Variants in USP24 observed in about 807,000 individuals in gnomAD.
USP24 encodes the protein ubiquitin specific peptidase 24.
Under a neutral mutation model 361.6 loss-of-function variants are expected in USP24, and 97 were observed. The observed-to-expected ratio is 0.27, with a 90% CI of 0.23 to 0.32. The LOEUF (loss-of-function observed/expected upper bound fraction) is 0.32. Ranked by LOEUF, USP24 falls within the 10% of genes least tolerant of loss-of-function variation. The probability of loss-of-function intolerance (pLI) is 1.00; values close to 1 mark genes in which losing one functional copy is unlikely to be tolerated. For synonymous variants in USP24, 1,098 were observed against 1,124.6 expected (o/e 0.98, Z 0.47); for missense variants, 2,353 against 3,165.6 (o/e 0.74, Z 6.16).
At chr1:55,117,541 A>T (rs1156762457) in intron 38 of USP24, among the ~76,000 whole-genome samples, 2 of 150,912 alleles carry the variant, frequency 1.3e-5, no homozygotes, top group East Asian at 3.9e-4. Flanking sequence ...ATCCTGGCTA[A>T]CAAGGTGAAA....
chr1:55,195,984 C>T (rs1165978823), intron 1 of USP24, among the ~76,000 whole-genome samples: 2 of 152,112 alleles, frequency 1.3e-5, no homozygotes. Flanking sequence ...GGGACCCAGC[C>T]TCATCATAGT....
At chr1:55,083,218 C>G in intron 58 of USP24, 54 bp downstream of exon 58, 1 of 1,551,572 alleles carries the variant, frequency 6.4e-7, no homozygotes, top group Non-Finnish European at 8.9e-7. Context: ...AAAAGAAACA[C>G]AGCGGCTATG....
At chr1:55,109,070 C>T (rs1645873862) in intron 39 of USP24, among the ~76,000 whole-genome samples, 1 of 152,206 alleles carries the variant, frequency 6.6e-6, no homozygotes, top group Non-Finnish European at 1.5e-5. Flanking sequence ...CTCACTGCAA[C>T]CTCTGCCTCC....
intron 1 of USP24, among the ~76,000 whole-genome samples, chr1:55,195,813 T>C (rs1644402298): frequency 6.6e-6 from 1 of 152,188 alleles, no homozygotes; most frequent in East Asian, 1.9e-4. Context: ...GAAAGGTTGT[T>C]GTTTAACAGG....
At position 55,067,862 on chromosome 1, in the gene USP24, A is replaced by G. The variant is rs1644849449; in HGVS notation, c.*1183T>C. On this transcript the variant is annotated 3_prime_UTR_variant, in exon 68 of 68. Transcript: ENST00000294383. Reference sequence around the variant, plus strand: ...ACACCATAAAAGGGAGCTGGTATAAATGAGTGAATGGTGCTATACTTTGGA... The same window carrying G: ...ACACCATAAAAGGGAGCTGGTATAAGTGAGTGAATGGTGCTATACTTTGGA... 1 of 152,256 alleles carries G rather than the reference A, an allele frequency of 6.6e-6. No homozygotes were observed. The highest frequency in any genetic ancestry group is 2.4e-5 in the African/African-American group (1 of 41,468). The allele number at this position is 152,256 out of a possible 1,614,324, so 9.4% of individuals were successfully genotyped here.
At chr1:55,151,113 T>C (rs1647181203) in intron 16 of USP24, among the ~76,000 whole-genome samples, 1 of 152,222 alleles carries the variant, frequency 6.6e-6, no homozygotes, top group Non-Finnish European at 1.5e-5. Flanking sequence ...AACATGCTTC[T>C]GCATAACTTC....
intron 7 of USP24, among the ~76,000 whole-genome samples, chr1:55,165,170 T>A (rs1648700372): frequency 6.6e-6 from 1 of 152,130 alleles, no homozygotes; most frequent in South Asian, 2.1e-4. Flanking sequence ...AAGCACAATC[T>A]GTAACACCTG....
At chr1:55,198,271 C>G (rs901776852) in intron 1 of USP24, among the ~76,000 whole-genome samples, 5 of 152,122 alleles carry the variant, frequency 3.3e-5, no homozygotes, top group African/African-American at 9.7e-5. Flanking sequence ...CGTGTGCCAC[C>G]ATCCCCAGCC....
rs1473855165 is a variant in USP24, at chr1:55,125,649, A to T, written c.3731+14T>A. ...AGTATTGCCTGGTAAGACTAATGCAATATATTTACATACCTTGCAAGCTGT... is the reference window on the plus strand; with the variant it reads ...AGTATTGCCTGGTAAGACTAATGCATTATATTTACATACCTTGCAAGCTGT... On this transcript the variant is annotated intron_variant, in intron 33 of 67. Coordinates refer to ENST00000294383, the MANE Select transcript of USP24 (RefSeq NM_015306.3). The T allele has an allele frequency of 3.2e-6, 5 of 1,585,652 alleles. No homozygotes were observed. Among genetic ancestry groups the T allele is most frequent in the Non-Finnish European group, 3.4e-6 (4 of 1,164,536 alleles).
chr1:55,151,899 G>A (rs1647204346), intron 16 of USP24: 4 of 985,670 alleles, frequency 4.1e-6, no homozygotes, highest in African/African-American at 1.7e-5. Flanking sequence ...AGAAGTGGGT[G>A]ATCTTGTCTT....
intron 1 of USP24, among the ~76,000 whole-genome samples, chr1:55,205,366 C>T (rs1024683828): frequency 2.0e-5 from 3 of 152,094 alleles, no homozygotes; most frequent in Non-Finnish European, 4.4e-5. Flanking sequence ...CAGAAAAGAA[C>T]AGAAGGGGCA....
chr1:55,075,612 T>G, intron 62 of USP24, 89 bp from the exon 63 acceptor site: 12 of 820,740 alleles, frequency 1.5e-5, no homozygotes, highest in Non-Finnish European at 2.3e-5. Flanking sequence ...CCCAAGAGAT[T>G]AATTTAGTGT....
Position 55,154,685 on chromosome 1 carries a change from C to T in USP24, c.1540G>A (p.Val514Ile), listed in dbSNP as rs761235137. ...TGAACACGTACCTTCTGAATGAGAACAAACAAATGATTAAGCTGATCTGAA... is the reference window on the plus strand; with the variant it reads ...TGAACACGTACCTTCTGAATGAGAATAAACAAATGATTAAGCTGATCTGAA... ...FNSDQLNHLF[V>I]LIQKSWETES... The change falls in exon 13 of 68, where the codon GTT (valine) becomes ATT (isoleucine). Residue 514 changes from valine (V) to isoleucine (I), a missense_variant. This residue lies in a region of USP24 where 386 missense variants were observed against 560.5 expected (regional missense o/e 0.69). Transcript: ENST00000294383. 2 of 1,612,848 alleles carry T rather than the reference C, an allele frequency of 1.2e-6. No individual in the cohort carries two copies. Among genetic ancestry groups the T allele is most frequent in the Admixed American group, 1.7e-5 (1 of 59,868 alleles).
chr1:55,178,031 G>A lies in USP24; in HGVS notation c.426C>T (p.Ile142=). The change falls in exon 2 of 68, where the codon ATC becomes ATT. Residue 142 remains isoleucine, a synonymous_variant. Coordinates refer to ENST00000294383, the MANE Select transcript of USP24 (RefSeq NM_015306.3). ...ESRVLTDHWS[I]PYKREESLGK... is the part of the protein sequence containing the mutation. The stretch of plus-strand genomic sequence containing the variant: ...CTAGTGATTCTTCTCGCTTGTAAGG[G>A]ATGGACCAATGATCAGTCAAAACAC... 2 of 1,551,654 alleles carry A rather than the reference G, an allele frequency of 1.3e-6. No homozygotes were observed. The highest frequency in any genetic ancestry group is 8.7e-7 in the Non-Finnish European group (1 of 1,146,938).
rs1489270254 is a variant in USP24, at chr1:55,106,227, A to C, written c.4799T>G (p.Leu1600Arg). 6.2e-7 allele frequency: 1 copy of C among 1,613,908 alleles called. No individual in the cohort carries two copies. The change falls in exon 41 of 68, where the codon CTT (leucine) becomes CGT (arginine). Residue 1600 changes from leucine to arginine, a missense_variant. Physicochemically the swap from Leu to Arg is moderately radical, Grantham distance 102. Around this residue, in one of 8 missense-constraint regions of USP24, gnomAD observed 949 missense variants for 1,280.5 expected, o/e 0.74. Coordinates refer to ENST00000294383, the MANE Select transcript of USP24 (RefSeq NM_015306.3). ...SLIKPLLDDF[L>R]FRASRIILNS... ...TAAAATAATTCTAGAAGCTCGGAAA[A>C]GGAAGTCATCTAACAATGGTTTAAT...
At chr1:55,116,735 T>C (rs1427626169) in intron 38 of USP24, among the ~76,000 whole-genome samples, 2 of 150,372 alleles carry the variant, frequency 1.3e-5, no homozygotes, top group African/African-American at 2.4e-5. Context: ...AGAAAAGCCC[T>C]GGACCAGATG....
intron 7 of USP24, among the ~76,000 whole-genome samples, chr1:55,164,908 G>A (rs1220718795): frequency 6.6e-6 from 1 of 151,624 alleles, no homozygotes; most frequent in African/African-American, 2.4e-5. Context: ...CAACATACTT[G>A]ATCTATTGAA....
chr1:55,179,914 C>T (rs1643913995), intron 1 of USP24, among the ~76,000 whole-genome samples: 1 of 152,228 alleles, frequency 6.6e-6, no homozygotes, highest in African/African-American at 2.4e-5. Context: ...TACTGATCTT[C>T]ATAAAGCACT....
At chr1:55,195,942 A>ATG (rs1193866506) in intron 1 of USP24, among the ~76,000 whole-genome samples, 1 of 152,154 alleles carries the variant, frequency 6.6e-6, no homozygotes, top group African/African-American at 2.4e-5. Context: ...ATTTTATGTT[A>ATG]TGTGATTTTT....
Sources: allele counts gnomAD v4.1 joint callset (sites outside exome capture counted in the v4.1 genomes callset), GRCh38; gene constraint gnomAD v4.1.1; regional missense constraint gnomAD v4.1.1; transcripts MANE v1.5; gene names NCBI Gene and HGNC (gene_info 2026-07-23, HGNC 2026-07-21).